Variants in CYP2R1 observed in about 807,000 individuals in gnomAD.
CYP2R1 encodes the protein vitamin D 25-hydroxylase.
In CYP2R1, 40 loss-of-function variants were observed where a neutral mutation model predicts 45.7. That is an observed-to-expected ratio of 0.87 (90% CI 0.68 to 1.14). The LOEUF is 1.14. Among genes scored for constraint, CYP2R1 ranks in the 50% most tolerant of loss-of-function variants. CYP2R1 has a pLI of 0.00. For synonymous variants in CYP2R1, 234 were observed against 219.3 expected (o/e 1.07, Z -0.59); for missense variants, 605 against 602.6 (o/e 1.00, Z -0.04).
At chr11:14,885,998 T>C (rs1160544522) in intron 1 of CYP2R1, 81 bp from the exon 2 acceptor site, 2 of 1,388,984 alleles carry the variant, frequency 1.4e-6, no homozygotes, top group Non-Finnish European at 1.0e-6. Context: ...AAGTGGTAAG[T>C]GCGGCTCTTC....
intron 1 of CYP2R1, chr11:14,886,632 C>A (rs951125187): frequency 5.9e-5 from 9 of 152,388 alleles, no homozygotes; most frequent in African/African-American, 2.2e-4. Context: ...TGTCACACCT[C>A]CTGTAGTCTA....
intron 1 of CYP2R1, chr11:14,890,409 T>C: frequency 1.1e-6 from 1 of 949,864 alleles, no homozygotes; most frequent in African/African-American, 1.8e-5. Context: ...GGTTGGAAAA[T>C]AAGATCTAAG....
chr11:14,889,498 T>G (rs1392992097), intron 1 of CYP2R1, among the ~76,000 whole-genome samples: 34 of 152,340 alleles, frequency 2.2e-4, no homozygotes, highest in Non-Finnish European at 1.8e-4. Flanking sequence ...TGTCTACTCT[T>G]TGATGCATAC....
Position 14,881,011 on chromosome 11 carries a change from A to T in CYP2R1, c.368-243T>A, listed in dbSNP as rs532675642. ...TATAATTGCACCACCACAAGAAGCT[A>T]GTCAGTCCTGTGTAATTTAACCTGG... is the stretch of plus-strand genomic sequence containing the variant. On this transcript the variant is annotated intron_variant, in intron 2 of 4. Coordinates refer to ENST00000334636, the MANE Select transcript of CYP2R1 (RefSeq NM_024514.5). 2.0e-5 allele frequency among the ~76,000 whole-genome samples: 3 copies of T among 152,098 alleles called. No homozygotes were observed. In the South Asian group the frequency reaches 6.2e-4, roughly 31 times the overall value.
rs1848288777 is a variant in CYP2R1, at chr11:14,879,439, T to C, written c.1005A>G (p.Gln335=). 2 of 1,599,744 alleles carry C rather than the reference T, an allele frequency of 1.3e-6. No individual in the cohort carries two copies. Among genetic ancestry groups the C allele is most frequent in the Non-Finnish European group, 1.7e-6 (2 of 1,178,068 alleles). Residue 335 remains glutamine, a synonymous_variant, in exon 4 of 5, where the codon CAA becomes CAG. Coordinates refer to ENST00000334636, the MANE Select transcript of CYP2R1 (RefSeq NM_024514.5). The part of the protein sequence containing the change: ...FMALYPNIQG[Q]VQKEIDLIMG... The stretch of plus-strand genomic sequence containing the variant: ...TAATTAAATCAATCTCTTTCTGAAC[T>C]TGTCCTGTCAGAGAAAAAGTATTCA...
rs142246177 is a variant in CYP2R1, at chr11:14,891,252, G to T, written c.225+729C>A. 216 of 985,064 alleles carry T rather than the reference G, an allele frequency of 2.2e-4. No homozygotes were observed. The East Asian group carries it at 0.021, about 94-fold the overall frequency. 61.0% of individuals were successfully genotyped at this position (985,064 alleles called of 1,614,324 possible). ...GAGGAGCGAAGTACCGACCTCACCGGCTGGTTATGAGTTTTAAATGAGTCA... is the reference window on the plus strand; with the variant it reads ...GAGGAGCGAAGTACCGACCTCACCGTCTGGTTATGAGTTTTAAATGAGTCA... On this transcript the variant is annotated intron_variant, in intron 1 of 4. Coordinates refer to ENST00000334636, the MANE Select transcript of CYP2R1 (RefSeq NM_024514.5).
chr11:14,881,538 G>A (rs1216524365), intron 2 of CYP2R1, among the ~76,000 whole-genome samples: 1 of 152,094 alleles, frequency 6.6e-6, no homozygotes, highest in Non-Finnish European at 1.5e-5. Flanking sequence ...ATTTCACATT[G>A]ATAAGTGATT....
chr11:14,882,288 C>T (rs1409683733), intron 2 of CYP2R1, among the ~76,000 whole-genome samples: 2 of 151,936 alleles, frequency 1.3e-5, no homozygotes, highest in Non-Finnish European at 2.9e-5. Flanking sequence ...TTATACAGCA[C>T]GTAAAAAGAT....
chr11:14,883,722 G>GAA (rs1848485682), intron 2 of CYP2R1, among the ~76,000 whole-genome samples: 1 of 151,942 alleles, frequency 6.6e-6, no homozygotes, highest in Admixed American at 6.5e-5. Context: ...CACAGCAAAA[G>GAA]AAACTACCAT....
upstream of CYP2R1, chr11:14,892,282 T>A (rs1222999121): frequency 7.1e-7 from 1 of 1,407,950 alleles, no homozygotes; most frequent in African/African-American, 1.4e-5. Flanking sequence ...ATACTCCCAT[T>A]GGCAGGATAC....
chr11:14,882,961 G>C (rs555442640), intron 2 of CYP2R1, among the ~76,000 whole-genome samples: 9 of 152,140 alleles, frequency 5.9e-5, no homozygotes, highest in Non-Finnish European at 1.0e-4. Context: ...AAATACCTAG[G>C]AATCCAACTT....
intron 1 of CYP2R1, among the ~76,000 whole-genome samples, chr11:14,890,705 C>T (rs931591386): frequency 3.3e-5 from 5 of 151,904 alleles, no homozygotes; most frequent in African/African-American, 1.2e-4. Context: ...CGCCACCACG[C>T]CCGGCTAATT....
chr11:14,879,530 C>T, intron 3 of CYP2R1, 87 bp from the exon 4 acceptor site: 1 of 1,106,042 alleles, frequency 9.0e-7, no homozygotes, highest in Non-Finnish European at 1.3e-6. Context: ...TAAAGGATAA[C>T]CTATAACAAG....
chr11:14,884,708 AAAAG>A (rs1323392433), intron 2 of CYP2R1, among the ~76,000 whole-genome samples: 11 of 152,146 alleles, frequency 7.2e-5, no homozygotes, highest in East Asian at 1.9e-4. Context: ...AAAAATTAAA[AAAAG>A]AAATAAAAAA....
chr11:14,878,457 T>G (rs1400139348), intron 4 of CYP2R1, among the ~76,000 whole-genome samples, 160 bp from the exon 5 acceptor site: 2 of 152,128 alleles, frequency 1.3e-5, no homozygotes, highest in East Asian at 1.9e-4. Context: ...GAATAGAAAT[T>G]GACACTTCAG....
rs1438808408 is a variant in CYP2R1, at chr11:14,879,402, C to T, written c.1042G>A (p.Gly348Arg). ...KEIDLIMGPNGKPSWDDKCKM... is the reference protein window; with the variant it reads ...KEIDLIMGPNRKPSWDDKCKM... Reference sequence around the variant, plus strand: ...CATTTGTCGTCCCAAGAAGGCTTCCCATTAGGGCCCATAATTAAATCAATC... The same window carrying T: ...CATTTGTCGTCCCAAGAAGGCTTCCTATTAGGGCCCATAATTAAATCAATC... The change falls in exon 4 of 5, where the codon GGG (glycine) becomes AGG (arginine). Residue 348 changes from glycine (G) to arginine (R), a missense_variant. Transcript: ENST00000334636. 3 of 1,606,444 alleles carry T rather than the reference C, an allele frequency of 1.9e-6. No homozygotes were observed. Among genetic ancestry groups the T allele is most frequent in the Non-Finnish European group, 2.5e-6 (3 of 1,179,356 alleles).
intron 2 of CYP2R1, 142 bp downstream of exon 2, chr11:14,885,634 T>C (rs1474915808): frequency 1.2e-6 from 1 of 841,070 alleles, no homozygotes; most frequent in African/African-American, 1.7e-5. Context: ...GCCTGAAAGG[T>C]CCTCAAATAC....
chr11:14,879,659 A>T (rs1848299463), intron 3 of CYP2R1, among the ~76,000 whole-genome samples: 1 of 151,986 alleles, frequency 6.6e-6, no homozygotes, highest in African/African-American at 2.4e-5. Context: ...ATAACAAGCC[A>T]ATAGGATATA....
intron 2 of CYP2R1, among the ~76,000 whole-genome samples, chr11:14,885,470 T>C (rs1555014086): frequency 6.6e-6 from 1 of 152,200 alleles, no homozygotes; most frequent in East Asian, 1.9e-4. Flanking sequence ...GCACTTCGGA[T>C]TCAAGTGGAA....
Sources: allele counts gnomAD v4.1 joint callset (sites outside exome capture counted in the v4.1 genomes callset), GRCh38; gene constraint gnomAD v4.1.1; transcripts MANE v1.5; gene names NCBI Gene and HGNC (gene_info 2026-07-23, HGNC 2026-07-21).